NXPH2: variants seen among roughly 807,000 people sequenced by gnomAD.
NXPH2 encodes the protein neurexophilin 2, also known as neurexophilin-2.
NXPH2 carries 5 observed loss-of-function variants against 19.8 expected under a neutral mutation model. That is an observed-to-expected ratio of 0.25 (90% confidence interval 0.13 to 0.53). The LOEUF (loss-of-function observed/expected upper bound fraction) is 0.53. Among genes scored for constraint, NXPH2 ranks in the 20% least tolerant of loss-of-function variants. The pLI is 0.96. For synonymous variants in NXPH2, 154 were observed against 127.4 expected (o/e 1.21, Z -1.41); for missense variants, 289 against 322.8 (o/e 0.90, Z 0.80).
At chr2:138,698,064 G>A (rs1040532018) in intron 1 of NXPH2, among the ~76,000 whole-genome samples, 12 of 152,010 alleles carry the variant, frequency 7.9e-5, no homozygotes, top group Non-Finnish European at 1.3e-4. Context: ...CTTCTGAAGC[G>A]TCCTTAGGAA....
At chr2:138,739,083 T>C (rs929009913) in intron 1 of NXPH2, among the ~76,000 whole-genome samples, 1 of 152,206 alleles carries the variant, frequency 6.6e-6, no homozygotes, top group Non-Finnish European at 1.5e-5. Flanking sequence ...TGAATGAATG[T>C]ACATATTATT....
intron 1 of NXPH2, among the ~76,000 whole-genome samples, chr2:138,759,264 AC>A (rs1490140283): frequency 1.3e-5 from 2 of 152,170 alleles, no homozygotes; most frequent in African/African-American, 4.8e-5. Flanking sequence ...GCAAAAGCTT[AC>A]AACAGTGGCT....
intron 1 of NXPH2, among the ~76,000 whole-genome samples, chr2:138,679,267 G>A (rs1680533477): frequency 6.6e-6 from 1 of 152,214 alleles, no homozygotes; most frequent in Non-Finnish European, 1.5e-5. Context: ...GTTACTTACA[G>A]ATACACTAAG....
chr2:138,765,883 T>C (rs1230845148), intron 1 of NXPH2, among the ~76,000 whole-genome samples: 1 of 152,260 alleles, frequency 6.6e-6, no homozygotes, highest in Non-Finnish European at 1.5e-5. Context: ...ATTGCCAATT[T>C]CAATTTTATT....
At chr2:138,721,436 C>A in intron 1 of NXPH2, among the ~76,000 whole-genome samples, 2 of 150,972 alleles carry the variant, frequency 1.3e-5, no homozygotes, top group East Asian at 1.9e-4. Context: ...TATGCTAGGT[C>A]ATGAAATCAT....
At chr2:138,748,647 G>C (rs1044252046) in intron 1 of NXPH2, among the ~76,000 whole-genome samples, 1 of 151,832 alleles carries the variant, frequency 6.6e-6, no homozygotes, top group African/African-American at 2.4e-5. Context: ...CACACATACA[G>C]TAATACCATG....
intron 1 of NXPH2, among the ~76,000 whole-genome samples, chr2:138,698,007 C>T (rs1680853843): frequency 6.6e-6 from 1 of 151,928 alleles, no homozygotes; most frequent in African/African-American, 2.4e-5. Context: ...TTATAATATG[C>T]ACCAAAAAAC....
intron 1 of NXPH2, among the ~76,000 whole-genome samples, chr2:138,673,560 G>A (rs1055545650): frequency 4.6e-5 from 7 of 151,948 alleles, no homozygotes; most frequent in Admixed American, 2.6e-4. Flanking sequence ...TATACAACAC[G>A]TTGTTGCTAA....
chr2:138,672,121 A>T (rs1223100789), intron 1 of NXPH2, among the ~76,000 whole-genome samples: 1 of 152,218 alleles, frequency 6.6e-6, no homozygotes, highest in Non-Finnish European at 1.5e-5. Flanking sequence ...TGGAAATATT[A>T]AGGGGATTAT....
At chr2:138,681,285 C>A (rs1413098315) in intron 1 of NXPH2, among the ~76,000 whole-genome samples, 1 of 152,114 alleles carries the variant, frequency 6.6e-6, no homozygotes, top group Non-Finnish European at 1.5e-5. Context: ...GTAGGTAACA[C>A]CCATAGTTTT....
In NXPH2 at chr2:138,737,187, G is replaced by A. The variant is rs184118214; in HGVS notation, c.51+43004C>T. On this transcript the variant is annotated intron_variant, in intron 1 of 1. Coordinates refer to ENST00000272641, the MANE Select transcript of NXPH2 (RefSeq NM_007226.3). ...GCATCCTACTCCTGGTACCAATTTGGTGTATTGGTCTGTTTTCATGCTGCT... is the reference window on the plus strand; with the variant it reads ...GCATCCTACTCCTGGTACCAATTTGATGTATTGGTCTGTTTTCATGCTGCT... Among the ~76,000 whole-genome samples the A allele has an allele frequency of 2.0e-4, 30 of 152,188 alleles. No individual in the cohort carries two copies. In the East Asian group the frequency reaches 4.6e-3, roughly 24 times the overall value.
chr2:138,766,605 G>A (rs1433285123), intron 1 of NXPH2, among the ~76,000 whole-genome samples: 1 of 152,170 alleles, frequency 6.6e-6, no homozygotes, highest in Non-Finnish European at 1.5e-5. Flanking sequence ...GCATGATCCA[G>A]CAGATGGCCT....
chr2:138,694,459 AGAGACAATCTCTGAAGATG>A (rs778588015), intron 1 of NXPH2, among the ~76,000 whole-genome samples: 39 of 152,184 alleles, frequency 2.6e-4, no homozygotes, highest in Non-Finnish European at 5.4e-4. Flanking sequence ...CTGTGAAGAC[AGAGACAATCTCTGAAGATG>A]GAGTCAGAGA....
intron 1 of NXPH2, among the ~76,000 whole-genome samples, chr2:138,709,486 C>A (rs533174678): frequency 3.9e-5 from 6 of 152,012 alleles, no homozygotes; most frequent in East Asian, 1.9e-4. Flanking sequence ...CCTTTCCCCC[C>A]ACCAGTGTGG....
At chr2:138,725,508 G>C (rs1573967669) in intron 1 of NXPH2, among the ~76,000 whole-genome samples, 1 of 152,138 alleles carries the variant, frequency 6.6e-6, no homozygotes, top group African/African-American at 2.4e-5. Flanking sequence ...TGGCTTAAAG[G>C]CAAGTCATTC....
chr2:138,754,893 G>A (rs541379483), intron 1 of NXPH2, among the ~76,000 whole-genome samples: 1 of 152,022 alleles, frequency 6.6e-6, no homozygotes, highest in Non-Finnish European at 1.5e-5. Flanking sequence ...GTTAGATTTT[G>A]GTGGATTTTA....
intron 1 of NXPH2, among the ~76,000 whole-genome samples, chr2:138,729,982 A>C (rs1681422090): frequency 6.6e-6 from 1 of 152,120 alleles, no homozygotes; most frequent in Non-Finnish European, 1.5e-5. Context: ...TAAAAGTCCA[A>C]GATCAACGTG....
At chr2:138,683,165 CT>C (rs1180604165) in intron 1 of NXPH2, among the ~76,000 whole-genome samples, 5 of 152,028 alleles carry the variant, frequency 3.3e-5, no homozygotes, top group Non-Finnish European at 7.4e-5. Context: ...ACAAGGTATT[CT>C]TTTGATAATC....
intron 1 of NXPH2, among the ~76,000 whole-genome samples, chr2:138,714,549 A>G (rs1036235283): frequency 2.0e-5 from 3 of 152,162 alleles, no homozygotes; most frequent in Non-Finnish European, 2.9e-5. Flanking sequence ...TCCTCTATCT[A>G]ACACAGAGAC....
Sources: allele counts gnomAD v4.1 joint callset (sites outside exome capture counted in the v4.1 genomes callset), GRCh38; gene constraint gnomAD v4.1.1; transcripts MANE v1.5; gene names NCBI Gene and HGNC (gene_info 2026-07-23, HGNC 2026-07-21).